The following TSEN34 variants were observed in gnomAD, a reference collection of about 807,000 sequenced individuals.
TSEN34 encodes the protein tRNA-splicing endonuclease subunit Sen34.
In TSEN34, 25 loss-of-function variants were observed where a neutral mutation model predicts 30.2. The observed-to-expected ratio is 0.83, with a 90% CI of 0.60 to 1.16. The LOEUF is 1.16. Among genes scored for constraint, TSEN34 ranks in the 50% most tolerant of loss-of-function variants. The probability of loss-of-function intolerance (pLI) is 0.00; values close to 1 mark genes in which losing one functional copy is unlikely to be tolerated. For missense variants in TSEN34, 475 were observed against 411.9 expected (o/e 1.15, Z -1.33); for synonymous variants, 209 against 177.4 (o/e 1.18, Z -1.41).
rs1413634891 is a variant in TSEN34 at position 54,191,316 on chromosome 19, G to A, written c.-49G>A. ...TTTGGGTGCGCTGCAGCGGTCCGCG[G>A]CGCGCAGCTGTTTCGGTAACTGCTT... On this transcript the variant is annotated 5_prime_UTR_variant, in exon 1 of 4. Coordinates refer to ENST00000396388, the MANE Select transcript of TSEN34 (RefSeq NM_001077446.4). 1.9e-6 allele frequency: 3 copies of A among 1,547,238 alleles called. No homozygotes were observed. Among genetic ancestry groups the A allele is most frequent in the African/African-American group, 1.4e-5 (1 of 72,794 alleles).
At chr19:54,191,055 G>A (rs886223709), upstream of TSEN34, 53 of 1,262,544 alleles carry the variant, frequency 4.2e-5, no homozygotes, top group African/African-American at 6.5e-4. Context: ...CGGCAGTGCG[G>A]GCACAGAGCG....
chr19:54,190,118 CGATCCTCAAGTTCCCAAGTAGAGGA>C, upstream of TSEN34: 1 of 546,126 alleles, frequency 1.8e-6, no homozygotes, highest in Non-Finnish European at 3.2e-6. Context: ...GCCAGGATGA[CGATCCTCAAGTTCCCAAGTAGAGGA>C]GAGGAAGCGG....
chr19:54,194,494 A>C lies in TSEN34; in HGVS notation c.*1132A>C, dbSNP rs1398247077. 6.6e-6 allele frequency: 1 copy of C among 152,222 alleles called. No homozygotes were observed. Among genetic ancestry groups the C allele is most frequent in the Non-Finnish European group, 1.5e-5 (1 of 68,048 alleles). The allele number at this position is 152,222 out of a possible 1,614,324, so 9.4% of individuals were successfully genotyped here. On this transcript the variant is annotated 3_prime_UTR_variant, in exon 4 of 4. Transcript: ENST00000396388. ...TTTTTGCTTAAGAAAGTACTAGAACACTACCACTATTCCAATAATTACACC... is the reference window on the plus strand; with the variant it reads ...TTTTTGCTTAAGAAAGTACTAGAACCCTACCACTATTCCAATAATTACACC...
In TSEN34 at chr19:54,192,373, G is replaced by A; in HGVS notation, c.745G>A (p.Gly249Ser). 6.2e-7 allele frequency: 1 copy of A among 1,614,086 alleles called. No homozygotes were observed. Among genetic ancestry groups the A allele is most frequent in the Non-Finnish European group, 8.5e-7 (1 of 1,180,038 alleles). ...CGGAGGTGACTTCCTGGTCTATCCT[G>A]GTGAGTATGGGTTGGGGCCTCTGGT... ...KFGGDFLVYPGDPLRFHAHYI... is the reference protein window; with the variant it reads ...KFGGDFLVYPSDPLRFHAHYI... The change falls in exon 3 of 4, where the codon GGT becomes AGT. Residue 249 changes from glycine to serine, a missense_variant and splice_region_variant. Physicochemically the swap from Gly to Ser is moderately conservative, Grantham distance 56. Transcript: ENST00000396388.
chr19:54,192,485 C>A, intron 3 of TSEN34, 112 bp downstream of exon 3: 1 of 1,426,026 alleles, frequency 7.0e-7, no homozygotes, highest in South Asian at 1.2e-5. Context: ...TCTCTTGTTG[C>A]TTAGGCTGGT....
At position 54,191,412 on chromosome 19, in the gene TSEN34, C is replaced by T; in HGVS notation, c.48C>T (p.Ala16=). The T allele has an allele frequency of 6.5e-7, 1 of 1,548,982 alleles. No individual in the cohort carries two copies. The highest frequency in any genetic ancestry group is 8.7e-7 in the Non-Finnish European group (1 of 1,146,878). The change falls in exon 1 of 4, where the codon GCC becomes GCT. Residue 16 remains alanine (A), a synonymous_variant. Transcript: ENST00000396388. ...VANGRSLVWG[A]EAVQALRERL... ...ACGGCCGCTCCCTGGTGTGGGGAGCCGAGGCGGTGCAGGCCCTCCGGGAGC... is the reference window on the plus strand; with the variant it reads ...ACGGCCGCTCCCTGGTGTGGGGAGCTGAGGCGGTGCAGGCCCTCCGGGAGC...
In TSEN34 at chr19:54,191,481, G is replaced by T; in HGVS notation, c.117G>T (p.Gly39=). Residue 39 remains glycine, a synonymous_variant, in exon 1 of 4, where the codon GGG becomes GGT. Transcript: ENST00000396388. The part of the protein sequence containing the change: ...GGRTVGALPR[G]PRQNSRLGLP... ...GCACGGTAGGCGCCCTGCCCCGCGG[G>T]CCCCGCCAGAACTCGCGCCTGGGCC... is the stretch of plus-strand genomic sequence containing the variant. The T allele has an allele frequency of 5.8e-6, 9 of 1,555,596 alleles. No individual in the cohort carries two copies. The highest frequency in any genetic ancestry group is 7.8e-6 in the Non-Finnish European group (9 of 1,153,852).
intron 2 of TSEN34, 65 bp from the exon 3 acceptor site, chr19:54,192,051 C>G (rs1437874410): frequency 1.9e-6 from 3 of 1,614,036 alleles, no homozygotes; most frequent in East Asian, 2.2e-5. Context: ...GTGCCTGGGT[C>G]TCCCTGAGGG....
rs1319694517 is a variant in TSEN34, at chr19:54,192,120, C to G, written c.492C>G (p.Pro164=). 6.2e-7 allele frequency: 1 copy of G among 1,614,248 alleles called. No homozygotes were observed. The highest frequency in any genetic ancestry group is 1.1e-5 in the South Asian group (1 of 91,090). The part of the protein sequence containing the change: ...QASGEQEEAG[P]SSSQAGPSNG... ...CTTCTCTGTACTCCCCACCAGGCCC[C>G]TCGTCTTCCCAAGCAGGACCCTCAA... is the stretch of plus-strand genomic sequence containing the variant. The change falls in exon 3 of 4, where the codon CCC becomes CCG. Residue 164 remains proline, a synonymous_variant. Transcript: ENST00000396388.
chr19:54,193,120 G>C, intron 3 of TSEN34, 55 bp from the exon 4 acceptor site: 1 of 1,610,718 alleles, frequency 6.2e-7, no homozygotes, highest in South Asian at 1.1e-5. Context: ...TCGTTCCCGT[G>C]GCGTCCAGCC....
chr19:54,190,122 C>T, upstream of TSEN34: 1 of 547,336 alleles, frequency 1.8e-6, no homozygotes. Flanking sequence ...GGATGACGAT[C>T]CTCAAGTTCC....
Position 54,191,728 on chromosome 19 carries a change from C to T in TSEN34, c.251C>T (p.Thr84Ile), listed in dbSNP as rs752926198. 19 of 1,613,912 alleles carry T rather than the reference C, an allele frequency of 1.2e-5. No homozygotes were observed. Among genetic ancestry groups the T allele is most frequent in the African/African-American group, 5.3e-5 (4 of 74,936 alleles). The change falls in exon 2 of 4, where the codon ACA becomes ATA. Residue 84 changes from threonine (T) to isoleucine (I), a missense_variant. Physicochemically the swap from Thr to Ile is moderately conservative, Grantham distance 89. Transcript: ENST00000396388. ...PDSRHHSLAL[T>I]SFKRQQEESF... ...GCGAAGTGTGCTTCTCAGGCCCTGA[C>T]ATCCTTCAAGCGCCAGCAAGAGGAG...
chr19:54,193,070 A>G (rs1006746846), intron 3 of TSEN34, 105 bp from the exon 4 acceptor site: 5 of 1,585,372 alleles, frequency 3.2e-6, no homozygotes, highest in African/African-American at 2.7e-5. Flanking sequence ...TAGAGTATCT[A>G]TAGTGATGGC....
rs1263207862 is a variant in TSEN34 at position 54,193,829 on chromosome 19, C to T, written c.*467C>T. The T allele has an allele frequency of 9.7e-6, 6 of 619,198 alleles. No homozygotes were observed. Among genetic ancestry groups the T allele is most frequent in the African/African-American group, 9.2e-5 (5 of 54,308 alleles). The allele number at this position is 619,198 out of a possible 1,614,324, so 38.4% of individuals were successfully genotyped here. ...AAATTGGTTTTTCTGACTCCTAAATCTGCACTCTTTCTACCTCACTAAACT... is the reference window on the plus strand; with the variant it reads ...AAATTGGTTTTTCTGACTCCTAAATTTGCACTCTTTCTACCTCACTAAACT... On this transcript the variant is annotated 3_prime_UTR_variant, in exon 4 of 4. Transcript: ENST00000396388.
chr19:54,191,666 C>T lies in TSEN34; in HGVS notation c.244-55C>T, dbSNP rs142463568. ...GGAGCGGGACCTGGGAGTCAAGTTT[C>T]CTGGCTTCTGAAGGGACCATAAGCT... On this transcript the variant is annotated intron_variant, in intron 1 of 3. Coordinates refer to ENST00000396388, the MANE Select transcript of TSEN34 (RefSeq NM_001077446.4). The T allele has an allele frequency of 9.7e-5, 157 of 1,611,516 alleles. 1 individual carries two copies. Among genetic ancestry groups the T allele is most frequent in the Non-Finnish European group, 7.6e-5 (90 of 1,179,934 alleles).
Position 54,193,597 on chromosome 19 carries a change from G to GT in TSEN34, c.*235_*236insT. Reference sequence around the variant, plus strand: ...GTGAGCTTCCCGAGAATGGGGCCTGGGTTTGATTCATCTGTTTTCTACAGG... The same window carrying GT: ...GTGAGCTTCCCGAGAATGGGGCCTGGTGTTTGATTCATCTGTTTTCTACAGG... On this transcript the variant is annotated 3_prime_UTR_variant, in exon 4 of 4. Transcript: ENST00000396388. The GT allele has an allele frequency of 9.8e-6, 14 of 1,429,688 alleles. No homozygotes were observed. Among genetic ancestry groups the GT allele is most frequent in the Non-Finnish European group, 1.3e-5 (14 of 1,050,112 alleles). The allele number at this position is 1,429,688 out of a possible 1,614,324, so 88.6% of individuals were successfully genotyped here.
At position 54,193,005 on chromosome 19, in the gene TSEN34, CA is replaced by C. The variant is rs4006644; in HGVS notation, c.746-155del. On this transcript the variant is annotated intron_variant, in intron 3 of 3. Transcript: ENST00000396388. The stretch of plus-strand genomic sequence containing the variant: ...GGGGGACAAGAGCGAGACTTTGTCT[CA>C]AAAAAAAAAAAAAAGCCTAGAAGTG... 6.8e-3 allele frequency among the ~76,000 whole-genome samples: 677 copies of C among 99,134 alleles called. 9 individuals are homozygous for C. Among genetic ancestry groups the C allele is most frequent in the Middle Eastern group, 0.022 (4 of 178 alleles). The allele number at this position is 99,134 out of a possible 152,430, so 65.0% of individuals were successfully genotyped here. A position where few individuals can be genotyped will look rare whatever the true frequency, so the allele number is the denominator to read the frequency against.
At chr19:54,190,555 G>T (rs1161523101), upstream of TSEN34, 2 of 1,239,188 alleles carry the variant, frequency 1.6e-6, no homozygotes, top group Non-Finnish European at 1.0e-6. Flanking sequence ...GGGTGCGCTG[G>T]CGCTCGGAGG....
Position 54,191,544 on chromosome 19 carries a change from G to T in TSEN34, c.180G>T (p.Leu60Phe). 7 of 1,601,196 alleles carry T rather than the reference G, an allele frequency of 4.4e-6. No individual in the cohort carries two copies. Among genetic ancestry groups the T allele is most frequent in the Non-Finnish European group, 5.1e-6 (6 of 1,179,252 alleles). The change falls in exon 1 of 4, where the codon TTG becomes TTT. Residue 60 changes from leucine (L) to phenylalanine (F), a missense_variant. Coordinates refer to ENST00000396388, the MANE Select transcript of TSEN34 (RefSeq NM_001077446.4). ...TGATGCCCGAAGAGGCGCGGCTCTT[G>T]GCCGAGATCGGCGCCGTGACTCTGG... is the stretch of plus-strand genomic sequence containing the variant. ...LLLMPEEARLLAEIGAVTLVS... is the reference protein window; with the variant it reads ...LLLMPEEARLFAEIGAVTLVS...
Sources: gnomAD v4.1 joint callset for allele counts (sites outside exome capture counted in the v4.1 genomes callset) on GRCh38, gnomAD v4.1.1 for gene constraint, MANE v1.5 for transcripts, NCBI Gene and HGNC (gene_info 2026-07-23, HGNC 2026-07-21) for gene names.